FHIT: variants seen among roughly 807,000 people sequenced by gnomAD.
FHIT encodes bis(5'-adenosyl)-triphosphatase.
In FHIT, 19 loss-of-function variants were observed where a neutral mutation model predicts 17.9. The ratio of observed to expected loss-of-function variants is 1.06; its 90% CI spans 0.74 to 1.56. The LOEUF (loss-of-function observed/expected upper bound fraction) is 1.56, where lower values mean the gene tolerates loss of function less well. FHIT is among the 40% of genes most tolerant of loss of function. FHIT has a pLI of 0.00. For synonymous variants in FHIT, 81 were observed against 69.7 expected (o/e 1.16, Z -0.81); for missense variants, 248 against 189.2 (o/e 1.31, Z -1.82).
intron 1 of FHIT, among the ~76,000 whole-genome samples, chr3:61,235,922 A>C (rs563500880): frequency 6.6e-6 from 1 of 152,160 alleles, no homozygotes; most frequent in East Asian, 1.9e-4. Flanking sequence ...ATTGTGACCA[A>C]TAATAAAATC....
intron 3 of FHIT, among the ~76,000 whole-genome samples, chr3:60,954,400 T>C (rs995760592): frequency 6.6e-6 from 1 of 152,218 alleles, no homozygotes; most frequent in Admixed American, 6.5e-5. Context: ...AAAGATGTTA[T>C]CTTAAAAATA....
intron 3 of FHIT, among the ~76,000 whole-genome samples, chr3:60,875,638 A>T (rs1372446314): frequency 1.3e-5 from 2 of 152,198 alleles, no homozygotes; most frequent in Non-Finnish European, 2.9e-5. Context: ...ATAATGGATA[A>T]TAATGGTAAA....
intron 8 of FHIT, among the ~76,000 whole-genome samples, chr3:59,779,701 A>C (rs1193858720): frequency 6.6e-6 from 1 of 152,146 alleles, no homozygotes; most frequent in Non-Finnish European, 1.5e-5. Flanking sequence ...GGAAATCCTC[A>C]AGTCAGTGTC....
At chr3:61,199,365 C>T (rs2038949495) in intron 2 of FHIT, among the ~76,000 whole-genome samples, 1 of 152,046 alleles carries the variant, frequency 6.6e-6, no homozygotes, top group African/African-American at 2.4e-5. Flanking sequence ...TTCTTTATTC[C>T]AAGATGTGGC....
At chr3:60,955,232 G>C (rs2107472216) in intron 3 of FHIT, among the ~76,000 whole-genome samples, 1 of 152,138 alleles carries the variant, frequency 6.6e-6, no homozygotes, top group South Asian at 2.1e-4. Flanking sequence ...GCAGTGAAAA[G>C]GAAGGAACTA....
At chr3:60,633,621 C>T (rs1036775349) in intron 4 of FHIT, among the ~76,000 whole-genome samples, 1 of 152,086 alleles carries the variant, frequency 6.6e-6, no homozygotes, top group African/African-American at 2.4e-5. Context: ...CAAGCTATTC[C>T]GCGATGACTG....
At chr3:60,552,525 G>A (rs2036594888) in intron 4 of FHIT, among the ~76,000 whole-genome samples, 1 of 152,150 alleles carries the variant, frequency 6.6e-6, no homozygotes, top group Non-Finnish European at 1.5e-5. Context: ...GTCTGGCTGA[G>A]ACCTAGATAT....
Position 60,929,550 on chromosome 3 carries a change from C to T in FHIT, c.-110-107539G>A, listed in dbSNP as rs181121673. Among the ~76,000 whole-genome samples the T allele has an allele frequency of 6.0e-4, 91 of 151,806 alleles. No individual in the cohort carries two copies. In the East Asian group the frequency reaches 0.016, roughly 27 times the overall value. ...AAAATCAATGTGCAAAAATCACAAG[C>T]ATTCTTATATACCAATAAAAGACAA... On this transcript the variant is annotated intron_variant, in intron 3 of 9. Transcript: ENST00000492590.
chr3:59,982,311 G>A lies in FHIT; in HGVS notation c.279+29060C>T, dbSNP rs559004957. Among the ~76,000 whole-genome samples the A allele has an allele frequency of 2.6e-5, 4 of 152,152 alleles. No homozygotes were observed. In the South Asian group the frequency reaches 8.3e-4, roughly 32 times the overall value. ...AATCTGTCTTTTAATTGTAGCTTTTGGGGCAACAAAAAATCCCCCAAGAAA... is the reference window on the plus strand; with the variant it reads ...AATCTGTCTTTTAATTGTAGCTTTTAGGGCAACAAAAAATCCCCCAAGAAA... On this transcript the variant is annotated intron_variant, in intron 7 of 9. Transcript: ENST00000492590.
At chr3:60,062,091 T>A (rs558378720) in intron 5 of FHIT, among the ~76,000 whole-genome samples, 26 of 152,146 alleles carry the variant, frequency 1.7e-4, no homozygotes, top group African/African-American at 6.3e-4. Context: ...TTCCTTAGGT[T>A]ATTACCAGAA....
chr3:61,109,026 A>G (rs1454959925), intron 2 of FHIT, among the ~76,000 whole-genome samples: 4 of 152,246 alleles, frequency 2.6e-5, no homozygotes, highest in Admixed American at 2.0e-4. Context: ...TAGCAAAGGT[A>G]TCATACTGAC....
intron 4 of FHIT, among the ~76,000 whole-genome samples, chr3:60,760,250 T>C (rs1218491435): frequency 6.6e-6 from 1 of 152,046 alleles, no homozygotes; most frequent in Non-Finnish European, 1.5e-5. Context: ...TGTGTTGAGG[T>C]TCACGGCACC....
chr3:60,458,406 G>A (rs953165158), intron 5 of FHIT, among the ~76,000 whole-genome samples: 1 of 144,498 alleles, frequency 6.9e-6, no homozygotes. Flanking sequence ...ACAGGAAAGG[G>A]AACATCACAC....
chr3:59,821,525 T>C (rs1023653210), intron 8 of FHIT, among the ~76,000 whole-genome samples: 2 of 152,198 alleles, frequency 1.3e-5, no homozygotes, highest in African/African-American at 4.8e-5. Flanking sequence ...ACAGAGCAGA[T>C]GGGATGCTAA....
intron 1 of FHIT, among the ~76,000 whole-genome samples, chr3:61,232,453 C>A (rs779335078): frequency 1.3e-5 from 2 of 152,138 alleles, no homozygotes; most frequent in Non-Finnish European, 2.9e-5. Context: ...AGATGAAATT[C>A]TTTAAAAGGT....
At chr3:61,203,958 T>C (rs1483227235) in intron 1 of FHIT, among the ~76,000 whole-genome samples, 1 of 152,168 alleles carries the variant, frequency 6.6e-6, no homozygotes, top group Non-Finnish European at 1.5e-5. Context: ...CAAACATCTA[T>C]CAGCAATACG....
intron 8 of FHIT, among the ~76,000 whole-genome samples, chr3:59,829,783 G>A (rs575681198): frequency 6.6e-6 from 1 of 152,218 alleles, no homozygotes; most frequent in African/African-American, 2.4e-5. Context: ...AGAGGCTGCA[G>A]GCCCAGGTGT....
chr3:60,213,498 A>G (rs1372171703), intron 5 of FHIT, among the ~76,000 whole-genome samples: 1 of 152,180 alleles, frequency 6.6e-6, no homozygotes, highest in Non-Finnish European at 1.5e-5. Flanking sequence ...CCCACAGGCC[A>G]CTACACTGGC....
chr3:60,785,741 A>C (rs1343062212), intron 4 of FHIT, among the ~76,000 whole-genome samples: 1 of 152,182 alleles, frequency 6.6e-6, no homozygotes, highest in Non-Finnish European at 1.5e-5. Context: ...TTTCAATTCC[A>C]CTTAAAGCAA....
Sources: allele counts gnomAD v4.1 joint callset (sites outside exome capture counted in the v4.1 genomes callset), GRCh38; gene constraint gnomAD v4.1.1; transcripts MANE v1.5; gene names NCBI Gene and HGNC (gene_info 2026-07-23, HGNC 2026-07-21).